The following METTL8 variants were observed in gnomAD, a reference collection of about 807,000 sequenced individuals.
METTL8 encodes methyltransferase 8, tRNA N3-cytidine.
METTL8 carries 32 observed loss-of-function variants against 48.7 expected under a neutral mutation model. The observed-to-expected ratio is 0.66, with a 90% CI of 0.50 to 0.88. The LOEUF (loss-of-function observed/expected upper bound fraction) is 0.88, where lower values mean the gene tolerates loss of function less well. Ranked by LOEUF, METTL8 falls within the 40% of genes least tolerant of loss-of-function variation. The pLI, the probability that METTL8 is intolerant of heterozygous loss-of-function variation, is 0.00. For synonymous variants in METTL8, 136 were observed against 157.1 expected, an observed-to-expected ratio of 0.87 and a Z score of 1.01; for missense variants, 464 against 474.4, an observed-to-expected ratio of 0.98 and a Z score of 0.20.
At chr2:171,342,773 C>G (rs1460939921) in intron 3 of METTL8, among the ~76,000 whole-genome samples, 1 of 152,126 alleles carries the variant, frequency 6.6e-6, no homozygotes, top group Non-Finnish European at 1.5e-5. Flanking sequence ...GCCCAATTAC[C>G]AGTAACTAGA....
At chr2:171,394,501 T>G (rs1688872555) in intron 1 of METTL8, among the ~76,000 whole-genome samples, 1 of 152,132 alleles carries the variant, frequency 6.6e-6, no homozygotes, top group Non-Finnish European at 1.5e-5. Flanking sequence ...CAGGAAAATG[T>G]CAGAGAAATG....
chr2:171,363,251 C>G (rs1445954230), intron 2 of METTL8, among the ~76,000 whole-genome samples: 1 of 151,738 alleles, frequency 6.6e-6, no homozygotes, highest in Non-Finnish European at 1.5e-5. Context: ...GTTACAGAAT[C>G]CCCACAGAAA....
intron 5 of METTL8, among the ~76,000 whole-genome samples, chr2:171,337,205 AAGCTT>A (rs1264602886): frequency 2.0e-5 from 3 of 152,062 alleles, no homozygotes; most frequent in Non-Finnish European, 4.4e-5. Flanking sequence ...ATATACACAT[AAGCTT>A]AAAAAATTAC....
intron 1 of METTL8, among the ~76,000 whole-genome samples, chr2:171,422,874 TAC>T (rs1330599142): frequency 1.3e-5 from 2 of 152,176 alleles, no homozygotes; most frequent in Admixed American, 6.5e-5. Context: ...TATAACAACA[TAC>T]AGAGTCAACA....
chr2:171,359,148 C>A (rs867093411), intron 3 of METTL8, among the ~76,000 whole-genome samples: 29 of 141,932 alleles, frequency 2.0e-4, no homozygotes, highest in Admixed American at 2.2e-4. Context: ...CACTATACTC[C>A]AGACTGGGCA....
intron 3 of METTL8, among the ~76,000 whole-genome samples, chr2:171,354,128 T>G (rs1194444058): frequency 6.6e-6 from 1 of 152,206 alleles, no homozygotes; most frequent in African/African-American, 2.4e-5. Flanking sequence ...AGTGCTTCCT[T>G]CAGGAGCTCT....
chr2:171,334,564 C>G (rs1393796640), intron 5 of METTL8, among the ~76,000 whole-genome samples: 4 of 152,084 alleles, frequency 2.6e-5, no homozygotes, highest in African/African-American at 9.7e-5. Context: ...ATTAATCCTA[C>G]ACTCTCTAAA....
At chr2:171,425,075 C>G (rs1363486937) in intron 1 of METTL8, among the ~76,000 whole-genome samples, 3 of 152,140 alleles carry the variant, frequency 2.0e-5, no homozygotes, top group Non-Finnish European at 1.5e-5. Flanking sequence ...CTCTGCACTT[C>G]TCCTTGCTGC....
Position 171,336,546 on chromosome 2 carries a change from C to T in METTL8, c.656+907G>A, listed in dbSNP as rs193220726. Among the ~76,000 whole-genome samples the T allele has an allele frequency of 2.6e-3, 399 of 152,076 alleles. 1 individual carries two copies. Among genetic ancestry groups the T allele is most frequent in the African/African-American group, 8.5e-3 (354 of 41,486 alleles). ...CCTCCCGAGTAGCTGGGACTACAGGCGCCCGCCACCACGCCTGGCTAATTT... is the reference window on the plus strand; with the variant it reads ...CCTCCCGAGTAGCTGGGACTACAGGTGCCCGCCACCACGCCTGGCTAATTT... On this transcript the variant is annotated intron_variant, in intron 5 of 9. Transcript: ENST00000375258.
At chr2:171,379,658 T>C (rs890298707) in intron 2 of METTL8, among the ~76,000 whole-genome samples, 2 of 151,996 alleles carry the variant, frequency 1.3e-5, no homozygotes, top group Non-Finnish European at 2.9e-5. Flanking sequence ...TCTAAAGAAA[T>C]GGATAAATTC....
rs554616943 is a variant in METTL8 at position 171,426,528 on chromosome 2, C to G, written c.-13+7355G>C. On this transcript the variant is annotated intron_variant, in intron 1 of 9. Coordinates refer to ENST00000375258, the MANE Select transcript of METTL8 (RefSeq NM_001321154.2). ...TTATAATTGTTATTTGTATATTATGCTATGATATCTGTAACATAGCATAAA... is the reference window on the plus strand; with the variant it reads ...TTATAATTGTTATTTGTATATTATGGTATGATATCTGTAACATAGCATAAA... Among the ~76,000 whole-genome samples the G allele has an allele frequency of 8.5e-5, 13 of 152,214 alleles. No homozygotes were observed. The South Asian group carries it at 1.7e-3, about 19-fold the overall frequency.
intron 1 of METTL8, among the ~76,000 whole-genome samples, chr2:171,417,555 T>C (rs1415886456): frequency 6.6e-6 from 1 of 152,206 alleles, no homozygotes; most frequent in African/African-American, 2.4e-5. Context: ...TAAGTAGTTC[T>C]AGTTACTTAA....
upstream of METTL8, chr2:171,434,207 C>T (rs758371635): frequency 7.3e-6 from 3 of 408,622 alleles, no homozygotes; most frequent in South Asian, 3.4e-5. Flanking sequence ...CGCCGCCTGA[C>T]GGGAATTGTA....
chr2:171,350,757 T>A (rs1683826686), intron 3 of METTL8, among the ~76,000 whole-genome samples: 1 of 152,368 alleles, frequency 6.6e-6, no homozygotes, highest in South Asian at 2.1e-4. Flanking sequence ...TACATAAATG[T>A]CTTCTTTTGA....
intron 3 of METTL8, among the ~76,000 whole-genome samples, chr2:171,352,265 A>G (rs1354813909): frequency 1.3e-5 from 2 of 152,144 alleles, no homozygotes; most frequent in African/African-American, 2.4e-5. Context: ...GATTACGTTT[A>G]TGGATTTGTG....
intron 1 of METTL8, among the ~76,000 whole-genome samples, chr2:171,407,220 G>C (rs1690277388): frequency 6.6e-6 from 1 of 152,028 alleles, no homozygotes; most frequent in Admixed American, 6.6e-5. Flanking sequence ...AAGAAACAAG[G>C]GGAGGGACCC....
At chr2:171,364,571 T>C (rs369426856) in intron 2 of METTL8, among the ~76,000 whole-genome samples, 4 of 152,298 alleles carry the variant, frequency 2.6e-5, no homozygotes, top group Non-Finnish European at 4.4e-5. Context: ...TCTTATTCCT[T>C]CCATATCTAT....
chr2:171,415,042 C>T (rs1344104348), intron 1 of METTL8, among the ~76,000 whole-genome samples: 2 of 152,154 alleles, frequency 1.3e-5, no homozygotes, highest in Admixed American at 1.3e-4. Flanking sequence ...GCCTCCCCAG[C>T]CACATGAAAC....
At chr2:171,353,712 T>C (rs1290144408) in intron 3 of METTL8, among the ~76,000 whole-genome samples, 1 of 152,220 alleles carries the variant, frequency 6.6e-6, no homozygotes, top group African/African-American at 2.4e-5. Context: ...TTTACCATCA[T>C]GTAATGGCCT....
Sources: allele counts gnomAD v4.1 joint callset (sites outside exome capture counted in the v4.1 genomes callset), GRCh38; gene constraint gnomAD v4.1.1; transcripts MANE v1.5; gene names NCBI Gene and HGNC (gene_info 2026-07-23, HGNC 2026-07-21).